The following OPCML variants were observed in gnomAD, a reference collection of about 807,000 sequenced individuals.
The protein encoded by OPCML is opioid-binding protein/cell adhesion molecule.
In OPCML, 13 loss-of-function variants were observed where a neutral mutation model predicts 37.8. That is an observed-to-expected ratio of 0.34 (90% confidence interval 0.22 to 0.55). OPCML has a LOEUF of 0.55. Ranked by LOEUF, OPCML falls within the 20% of genes least tolerant of loss-of-function variation. OPCML has a pLI of 0.91. For synonymous variants in OPCML, 176 were observed against 168.8 expected, an observed-to-expected ratio of 1.04 and a Z score of -0.33; for missense variants, 341 against 435.6, an observed-to-expected ratio of 0.78 and a Z score of 1.93.
intron 3 of OPCML, among the ~76,000 whole-genome samples, chr11:132,566,568 G>T (rs187129633): frequency 1.7e-4 from 26 of 152,324 alleles, no homozygotes; most frequent in African/African-American, 5.8e-4. Flanking sequence ...TTTCTCAAAT[G>T]AGTTATTCAA....
chr11:133,044,565 A>C (rs1344304230), intron 1 of OPCML, among the ~76,000 whole-genome samples: 1 of 152,246 alleles, frequency 6.6e-6, no homozygotes, highest in East Asian at 1.9e-4. Flanking sequence ...AAGAAGCCGT[A>C]TTTATTGAAT....
At chr11:133,057,220 T>G (rs902562470) in intron 1 of OPCML, among the ~76,000 whole-genome samples, 2 of 152,162 alleles carry the variant, frequency 1.3e-5, no homozygotes, top group Non-Finnish European at 2.9e-5. Context: ...GTAGGTAGGA[T>G]CACATGTGAA....
At chr11:132,632,027 A>C (rs540682587) in intron 3 of OPCML, among the ~76,000 whole-genome samples, 2 of 152,170 alleles carry the variant, frequency 1.3e-5, no homozygotes, top group South Asian at 4.1e-4. Flanking sequence ...GTAGCTGGAA[A>C]TGAAAATGTG....
chr11:133,045,730 G>T (rs999804503), intron 1 of OPCML, among the ~76,000 whole-genome samples: 1 of 152,182 alleles, frequency 6.6e-6, no homozygotes, highest in Non-Finnish European at 1.5e-5. Flanking sequence ...TCGTCTTCTA[G>T]CATGTTAGAG....
At chr11:132,596,575 T>C (rs569459722) in intron 3 of OPCML, among the ~76,000 whole-genome samples, 28 of 152,302 alleles carry the variant, frequency 1.8e-4, no homozygotes, top group African/African-American at 5.1e-4. Context: ...GGACCTACTC[T>C]GTCAAGGGTT....
At chr11:132,934,412 CAAGT>C (rs1945306818) in intron 2 of OPCML, among the ~76,000 whole-genome samples, 1 of 152,136 alleles carries the variant, frequency 6.6e-6, no homozygotes, top group African/African-American at 2.4e-5. Context: ...AACCTAGCAG[CAAGT>C]GAGAACTGAC....
intron 3 of OPCML, among the ~76,000 whole-genome samples, chr11:132,618,751 T>C (rs1397247975): frequency 6.6e-6 from 1 of 152,182 alleles, no homozygotes; most frequent in Non-Finnish European, 1.5e-5. Flanking sequence ...TTTAAAATAT[T>C]GTGCAAGCAT....
intron 1 of OPCML, among the ~76,000 whole-genome samples, chr11:132,972,319 A>G (rs1946363056): frequency 6.6e-6 from 1 of 152,192 alleles, no homozygotes; most frequent in Non-Finnish European, 1.5e-5. Flanking sequence ...GTCCCACACT[A>G]AACACCTCTC....
chr11:132,934,219 C>T (rs954100924), intron 2 of OPCML, among the ~76,000 whole-genome samples: 3 of 152,070 alleles, frequency 2.0e-5, no homozygotes, highest in African/African-American at 2.4e-5. Context: ...CCAGTCAGAG[C>T]GGGGTTAAGG....
chr11:132,581,860 G>T (rs949006755), intron 3 of OPCML, among the ~76,000 whole-genome samples: 1 of 151,952 alleles, frequency 6.6e-6, no homozygotes, highest in East Asian at 1.9e-4. Context: ...CTCAAGGGGA[G>T]GGAATTCCAA....
chr11:133,497,537 ATGCTTTC>A (rs1259614636), intron 1 of OPCML, among the ~76,000 whole-genome samples: 2 of 151,958 alleles, frequency 1.3e-5, no homozygotes, highest in Non-Finnish European at 2.9e-5. Context: ...TGTTACTACG[ATGCTTTC>A]TGGACAGGTG....
rs1258412792 is a variant in OPCML at position 133,532,341 on chromosome 11, T to C, written c.-17A>G. ...ATGGTACATCTCGACGCTGCGGTGC[T>C]CTCAGCTGCCGGGCTTGCTACTGCT... On this transcript the variant is annotated 5_prime_UTR_variant, in exon 1 of 8. Transcript: ENST00000524381. The C allele has an allele frequency of 6.2e-7, 1 of 1,612,218 alleles. No homozygotes were observed.
At chr11:133,467,440 A>T (rs778486357) in intron 1 of OPCML, among the ~76,000 whole-genome samples, 20 of 152,210 alleles carry the variant, frequency 1.3e-4, no homozygotes, top group Non-Finnish European at 2.9e-4. Flanking sequence ...ATGAAAATAA[A>T]TTGCATGTGT....
intron 3 of OPCML, among the ~76,000 whole-genome samples, chr11:132,608,462 G>T (rs1186230020): frequency 6.6e-6 from 1 of 152,190 alleles, no homozygotes; most frequent in African/African-American, 2.4e-5. Context: ...TTTTAATTAA[G>T]TAAGGCTTTA....
At chr11:132,431,484 C>T (rs182785188) in intron 7 of OPCML, among the ~76,000 whole-genome samples, 12 of 152,274 alleles carry the variant, frequency 7.9e-5, no homozygotes, top group Non-Finnish European at 1.5e-4. Context: ...TGTGAGTTGG[C>T]GCTCTGCCTA....
At chr11:132,731,505 T>A (rs906505323) in intron 2 of OPCML, among the ~76,000 whole-genome samples, 28 of 152,274 alleles carry the variant, frequency 1.8e-4, no homozygotes, top group African/African-American at 4.6e-4. Flanking sequence ...AAAAGTTGAG[T>A]TATGTCTATA....
At chr11:132,685,458 C>T (rs1051955126) in intron 2 of OPCML, among the ~76,000 whole-genome samples, 4 of 152,140 alleles carry the variant, frequency 2.6e-5, no homozygotes, top group East Asian at 3.9e-4. Context: ...CACCGGGTCA[C>T]GACATCCCAG....
rs576120772 is a variant in OPCML, at chr11:133,495,924, C to T, written c.61+36340G>A. Among the ~76,000 whole-genome samples the T allele has an allele frequency of 3.5e-4, 54 of 152,206 alleles. 1 individual carries two copies. In the South Asian group the frequency reaches 0.011, roughly 30 times the overall value. ...GTTTAATTAGGTCCCAGCTATTTAT[C>T]ATTGTTTTTATTGCATTTGCTTTTG... On this transcript the variant is annotated intron_variant, in intron 1 of 7. Transcript: ENST00000524381.
At chr11:132,830,051 G>A (rs567438966) in intron 2 of OPCML, among the ~76,000 whole-genome samples, 26 of 152,212 alleles carry the variant, frequency 1.7e-4, no homozygotes, top group African/African-American at 5.3e-4. Context: ...GTATGGCACC[G>A]CTGGTTTGCA....
Sources: allele counts gnomAD v4.1 joint callset (sites outside exome capture counted in the v4.1 genomes callset), GRCh38; gene constraint gnomAD v4.1.1; transcripts MANE v1.5; gene names NCBI Gene and HGNC (gene_info 2026-07-23, HGNC 2026-07-21).